RANBP9: variants seen among roughly 807,000 people sequenced by gnomAD.
RANBP9 encodes ran-binding protein 9.
In RANBP9, 15 loss-of-function variants were observed where a neutral mutation model predicts 84.3. The observed-to-expected ratio is 0.18, with a 90% confidence interval of 0.12 to 0.27. The LOEUF (loss-of-function observed/expected upper bound fraction) is 0.27, where lower values mean the gene tolerates loss of function less well. Among genes scored for constraint, RANBP9 ranks in the 10% least tolerant of loss-of-function variants. The pLI is 1.00. For missense variants in RANBP9, 809 were observed against 912.8 expected (o/e 0.89, Z 1.46); for synonymous variants, 392 against 349.6 (o/e 1.12, Z -1.35).
At chr6:13,622,575 A>G in intron 13 of RANBP9, 83 bp from the exon 14 acceptor site, 1 of 1,366,066 alleles carries the variant, frequency 7.3e-7, no homozygotes, top group African/African-American at 1.5e-5. Flanking sequence ...TACTGCAATG[A>G]CTTTAAAAAC....
chr6:13,702,401 A>G (rs1219887043), intron 1 of RANBP9, among the ~76,000 whole-genome samples: 1 of 152,236 alleles, frequency 6.6e-6, no homozygotes, highest in African/African-American at 2.4e-5. Context: ...ACTCTGTTCA[A>G]GAAAAAATAG....
intron 3 of RANBP9, among the ~76,000 whole-genome samples, chr6:13,658,122 C>T (rs1056220066): frequency 2.0e-5 from 3 of 151,946 alleles, no homozygotes; most frequent in Non-Finnish European, 4.4e-5. Context: ...AAGTATTAGT[C>T]GATATTCCCT....
chr6:13,622,728 T>G (rs1267878813), intron 13 of RANBP9, among the ~76,000 whole-genome samples: 2 of 152,234 alleles, frequency 1.3e-5, no homozygotes, highest in Non-Finnish European at 1.5e-5. Context: ...GAATCAGACT[T>G]TTAAAGTATC....
intron 13 of RANBP9, among the ~76,000 whole-genome samples, chr6:13,625,216 G>T (rs1315437230): frequency 6.6e-6 from 1 of 152,102 alleles, no homozygotes; most frequent in Non-Finnish European, 1.5e-5. Flanking sequence ...TCCTTCTACA[G>T]CAGCCAAACG....
intron 1 of RANBP9, among the ~76,000 whole-genome samples, chr6:13,710,488 G>C (rs1350081736): frequency 2.0e-5 from 3 of 152,056 alleles, no homozygotes; most frequent in Admixed American, 6.6e-5. Flanking sequence ...CTCTTAATTA[G>C]AAATCATACC....
chr6:13,651,338 G>C (rs188331877), intron 5 of RANBP9, among the ~76,000 whole-genome samples: 1 of 151,966 alleles, frequency 6.6e-6, no homozygotes, highest in East Asian at 1.9e-4. Flanking sequence ...TCTTCTCACA[G>C]GTCCCCTTGC....
chr6:13,670,920 G>A (rs1765765926), intron 2 of RANBP9, among the ~76,000 whole-genome samples: 1 of 151,788 alleles, frequency 6.6e-6, no homozygotes, highest in East Asian at 1.9e-4. Context: ...GACAATATAT[G>A]CAAATCATAT....
At chr6:13,627,312 A>G (rs1293239628) in intron 12 of RANBP9, among the ~76,000 whole-genome samples, 1 of 152,126 alleles carries the variant, frequency 6.6e-6, no homozygotes, top group Non-Finnish European at 1.5e-5. Flanking sequence ...TTTATCCTGT[A>G]AAGCTAACTC....
intron 2 of RANBP9, among the ~76,000 whole-genome samples, chr6:13,695,413 T>G (rs559021555): frequency 6.6e-6 from 1 of 150,946 alleles, no homozygotes; most frequent in South Asian, 2.1e-4. Flanking sequence ...TTTTTTTTTT[T>G]TTTTTTTTTT....
intron 7 of RANBP9, 147 bp from the exon 8 acceptor site, chr6:13,641,454 T>G (rs909160495): frequency 3.5e-6 from 2 of 566,496 alleles, no homozygotes; most frequent in South Asian, 2.4e-5. Flanking sequence ...TAGTTTCCAT[T>G]AGGCAATCCA....
chr6:13,665,279 AAACTT>A (rs1765621253), intron 2 of RANBP9, among the ~76,000 whole-genome samples: 1 of 152,212 alleles, frequency 6.6e-6, no homozygotes, highest in African/African-American at 2.4e-5. Context: ...GCAAAATTTA[AAACTT>A]AACAAAAGAC....
intron 8 of RANBP9, among the ~76,000 whole-genome samples, chr6:13,640,928 T>C (rs1765048976): frequency 6.6e-6 from 1 of 152,106 alleles, no homozygotes; most frequent in African/African-American, 2.4e-5. Flanking sequence ...GAAGGAAAAA[T>C]AGACACCCAT....
intron 2 of RANBP9, among the ~76,000 whole-genome samples, chr6:13,691,211 C>T (rs970674118): frequency 2.0e-5 from 3 of 147,412 alleles, no homozygotes; most frequent in Non-Finnish European, 3.0e-5. Context: ...TTTAATTTTT[C>T]TTGTGAAATG....
At position 13,661,813 on chromosome 6, in the gene RANBP9, T is replaced by G. The variant is rs992740730; in HGVS notation, c.684-2981A>C. Among the ~76,000 whole-genome samples the G allele has an allele frequency of 7.9e-5, 12 of 152,200 alleles. 1 individual carries two copies. Among genetic ancestry groups the G allele is most frequent in the Admixed American group, 7.9e-4 (12 of 15,274 alleles). On this transcript the variant is annotated intron_variant, in intron 2 of 13. Transcript: ENST00000011619. ...TAGAATATCAATCACGGGCATAATC[T>G]TAAAAGCTACCAGAAAGAAAAGCAG...
intron 2 of RANBP9, among the ~76,000 whole-genome samples, chr6:13,678,325 G>C (rs886997978): frequency 2.0e-5 from 3 of 152,162 alleles, no homozygotes; most frequent in African/African-American, 7.2e-5. Context: ...TATTTGACAA[G>C]GTAAACAGAA....
At chr6:13,708,686 T>G (rs6940759) in intron 1 of RANBP9, among the ~76,000 whole-genome samples, 5 of 151,982 alleles carry the variant, frequency 3.3e-5, no homozygotes, top group Admixed American at 6.5e-5. Flanking sequence ...TATTCTGTGA[T>G]TTTAAAGTAT....
intron 1 of RANBP9, among the ~76,000 whole-genome samples, chr6:13,707,895 C>T (rs1447873963): frequency 6.6e-6 from 1 of 152,198 alleles, no homozygotes; most frequent in Non-Finnish European, 1.5e-5. Context: ...ATACTGACAA[C>T]AATTTCAAAA....
Position 13,696,912 on chromosome 6 carries a change from A to T in RANBP9, c.572-16T>A. 1 of 1,584,554 alleles carries T rather than the reference A, an allele frequency of 6.3e-7. No individual in the cohort carries two copies. The highest frequency in any genetic ancestry group is 8.6e-7 in the Non-Finnish European group (1 of 1,158,984). The stretch of plus-strand genomic sequence containing the variant: ...TTGCCATGACCTGCATAGAAACAGG[A>T]AGGAAAAAAGAAGTCACATGAGATA... On this transcript the variant is annotated splice_polypyrimidine_tract_variant and intron_variant, in intron 1 of 13. Coordinates refer to ENST00000011619, the MANE Select transcript of RANBP9 (RefSeq NM_005493.3).
At position 13,637,822 on chromosome 6, in the gene RANBP9, A is replaced by T. The variant is rs368790277; in HGVS notation, c.1659T>A (p.Val553=). Residue 553 remains valine, a synonymous_variant, in exon 10 of 14, where the codon GTT becomes GTA. Coordinates refer to ENST00000011619, the MANE Select transcript of RANBP9 (RefSeq NM_005493.3). The part of the protein sequence containing the change: ...NSINMSRSQQ[V]NNFTSNDVDM... ...AAATTACTTACCTGGTGAAGTTATT[A>T]ACTTGCTGTGATCTTGACATATTTA... The T allele has an allele frequency of 1.7e-4, 266 of 1,595,732 alleles. No individual in the cohort carries two copies. The highest frequency in any genetic ancestry group is 2.2e-4 in the Non-Finnish European group (255 of 1,173,560).
Sources: allele counts gnomAD v4.1 joint callset (sites outside exome capture counted in the v4.1 genomes callset), GRCh38; gene constraint gnomAD v4.1.1; transcripts MANE v1.5; gene names NCBI Gene and HGNC (gene_info 2026-07-23, HGNC 2026-07-21).